Variants in MDGA1 observed in about 807,000 individuals in gnomAD.
MDGA1 encodes MAM domain-containing glycosylphosphatidylinositol anchor protein 1.
Under a neutral mutation model 101.5 loss-of-function variants are expected in MDGA1, and 54 were observed. The observed-to-expected ratio is 0.53, with a 90% confidence interval of 0.43 to 0.67. The LOEUF is 0.67. MDGA1 is among the 30% of genes least tolerant of loss of function. The probability of loss-of-function intolerance (pLI) is 0.00; values close to 1 mark genes in which losing one functional copy is unlikely to be tolerated. For missense variants in MDGA1, 1,083 were observed against 1,323.8 expected (o/e 0.82, Z 2.82); for synonymous variants, 533 against 558.3 (o/e 0.95, Z 0.64).
In MDGA1 at chr6:37,654,817, C is replaced by T. The variant is rs778497435; in HGVS notation, c.695G>A (p.Arg232Gln). ...GCCTGTACCCGTGGTGTTGGTGAGCCGGAAGGTGATGGCCTTGTCTGGGAT... is the reference window on the plus strand; with the variant it reads ...GCCTGTACCCGTGGTGTTGGTGAGCTGGAAGGTGATGGCCTTGTCTGGGAT... Reference protein sequence around the residue: ...CGIPDKAITFRLTNTTAPPAL... With the variant: ...CGIPDKAITFQLTNTTAPPAL... Residue 232 changes from arginine to glutamine, a missense_variant, in exon 5 of 17, where the codon CGG becomes CAG. By Grantham distance (43) the Arg-to-Gln change is conservative. Transcript: ENST00000434837. 6.2e-6 allele frequency: 10 copies of T among 1,613,490 alleles called. No individual in the cohort carries two copies. In the Admixed American group the frequency reaches 6.7e-5, roughly 11 times the overall value.
intron 9 of MDGA1, 48 bp downstream of exon 9, chr6:37,648,934 G>A (rs1761284428): frequency 6.5e-7 from 1 of 1,532,662 alleles, no homozygotes; most frequent in Non-Finnish European, 8.8e-7. Context: ...GGCAGAGCCT[G>A]GCCCCTGGTG....
chr6:37,657,609 A>T (rs1293846143), intron 3 of MDGA1, among the ~76,000 whole-genome samples: 1 of 152,240 alleles, frequency 6.6e-6, no homozygotes, highest in Admixed American at 6.5e-5. Flanking sequence ...GCTAATAGGT[A>T]GGTTCATTAT....
In MDGA1 at chr6:37,697,245, G is replaced by C. The variant is rs1762441900; in HGVS notation, c.-434C>G. The C allele has an allele frequency of 6.0e-6, 1 of 166,024 alleles. No homozygotes were observed. The highest frequency in any genetic ancestry group is 6.4e-5 in the Admixed American group (1 of 15,730). 10.3% of individuals were successfully genotyped at this position (166,024 alleles called of 1,614,324 possible). A position where few individuals can be genotyped will look rare whatever the true frequency, so the allele number is the denominator to read the frequency against. On this transcript the variant is annotated 5_prime_UTR_variant, in exon 1 of 17. Coordinates refer to ENST00000434837, the MANE Select transcript of MDGA1 (RefSeq NM_153487.4). ...CCCGCACTGGGGCCGCCCCTCAGCG[G>C]AGCGGAGTCGGGGAGGCCGGGGCTC...
At chr6:37,667,045 A>G (rs901884308) in intron 1 of MDGA1, among the ~76,000 whole-genome samples, 4 of 145,860 alleles carry the variant, frequency 2.7e-5, no homozygotes, top group African/African-American at 4.9e-5. Flanking sequence ...TAGAGTCGTA[A>G]TGTGTTTTAC....
intron 2 of MDGA1, among the ~76,000 whole-genome samples, chr6:37,659,732 CCA>C (rs1175982850): frequency 1.3e-5 from 2 of 152,154 alleles, no homozygotes; most frequent in Admixed American, 6.5e-5. Flanking sequence ...CCACCCAGGA[CCA>C]CAGTGTTGCT....
At chr6:37,688,349 G>A (rs1762240439) in intron 1 of MDGA1, among the ~76,000 whole-genome samples, 1 of 152,146 alleles carries the variant, frequency 6.6e-6, no homozygotes, top group African/African-American at 2.4e-5. Context: ...CATGCGCCAG[G>A]GCTGAGAACC....
At chr6:37,668,105 G>C (rs72847482) in intron 1 of MDGA1, among the ~76,000 whole-genome samples, 1 of 151,952 alleles carries the variant, frequency 6.6e-6, no homozygotes, top group African/African-American at 2.4e-5. Context: ...GCAAAAATTA[G>C]CCAGGCATGG....
At chr6:37,647,770 G>T (rs567108343) in intron 9 of MDGA1, among the ~76,000 whole-genome samples, 3 of 152,090 alleles carry the variant, frequency 2.0e-5, no homozygotes, top group Non-Finnish European at 4.4e-5. Context: ...TGGGAGAACA[G>T]GGGAGAAGGG....
chr6:37,642,570 T>C (rs1764114789), intron 14 of MDGA1, among the ~76,000 whole-genome samples: 1 of 152,164 alleles, frequency 6.6e-6, no homozygotes, highest in East Asian at 1.9e-4. Context: ...TGGGAGGGCG[T>C]CTGCATTATG....
In MDGA1 at chr6:37,635,892, C is replaced by T. The variant is rs116647139; in HGVS notation, c.*1476G>A. Reference sequence around the variant, plus strand: ...CATCACTCAGGAAGGTGGACACACACGCTGACGTACACGGACATTCATAGA... The same window carrying T: ...CATCACTCAGGAAGGTGGACACACATGCTGACGTACACGGACATTCATAGA... On this transcript the variant is annotated 3_prime_UTR_variant, in exon 17 of 17. Transcript: ENST00000434837. 1.7e-3 allele frequency: 664 copies of T among 397,810 alleles called. 2 individuals carry two copies. The highest frequency in any genetic ancestry group is 0.012 in the African/African-American group (597 of 48,748). 24.6% of individuals were successfully genotyped at this position (397,810 alleles called of 1,614,324 possible). A position where few individuals can be genotyped will look rare whatever the true frequency, so the allele number is the denominator to read the frequency against.
Position 37,634,070 on chromosome 6 carries a change from G to A in MDGA1, c.*3298C>T, listed in dbSNP as rs988155494. On this transcript the variant is annotated 3_prime_UTR_variant, in exon 17 of 17. Coordinates refer to ENST00000434837, the MANE Select transcript of MDGA1 (RefSeq NM_153487.4). The surrounding 1 kb of genome is among the most constrained non-coding windows in gnomAD (Gnocchi z 4.7). ...AGGGGTGGAAGGAGCATTCCAGGAG[G>A]AGGGGGCTTGGTCTTCAGGCTTCAC... The A allele has an allele frequency of 6.5e-6, 1 of 153,002 alleles. No individual in the cohort carries two copies. The highest frequency in any genetic ancestry group is 1.5e-5 in the Non-Finnish European group (1 of 68,376). The allele number at this position is 153,002 out of a possible 1,614,324, so 9.5% of individuals were successfully genotyped here.
At chr6:37,694,031 G>A (rs377593629) in intron 1 of MDGA1, among the ~76,000 whole-genome samples, 9 of 152,266 alleles carry the variant, frequency 5.9e-5, no homozygotes, top group Middle Eastern at 3.4e-3. Context: ...GCCGAATGCC[G>A]TCAGGTTCGC....
At chr6:37,677,655 G>A (rs887596006) in intron 1 of MDGA1, among the ~76,000 whole-genome samples, 5 of 149,590 alleles carry the variant, frequency 3.3e-5, no homozygotes, top group African/African-American at 1.2e-4. Context: ...AATGGTTAAT[G>A]TTTGATGGTC....
At chr6:37,676,541 C>T (rs1366204614) in intron 1 of MDGA1, among the ~76,000 whole-genome samples, 1 of 152,178 alleles carries the variant, frequency 6.6e-6, no homozygotes, top group African/African-American at 2.4e-5. Context: ...GACCCTGAGC[C>T]CTCACATAAG....
chr6:37,639,419 G>C (rs1764011348), intron 14 of MDGA1: 1 of 152,346 alleles, frequency 6.6e-6, no homozygotes. Context: ...CTGCGGAGGG[G>C]ACCCCTGTCT....
rs572020134 is a variant in MDGA1, at chr6:37,649,050, C to G, written c.1826G>C (p.Ser609Thr). Residue 609 changes from serine to threonine, a missense_variant, in exon 9 of 17, where the codon AGC (serine) becomes ACC (threonine). By Grantham distance (58) the Ser-to-Thr change is moderately conservative. Around this residue, in one of 3 missense-constraint regions of MDGA1, gnomAD observed 657 missense variants for 771.4 expected, o/e 0.85. Coordinates refer to ENST00000434837, the MANE Select transcript of MDGA1 (RefSeq NM_153487.4). ...ELRLDAVTRD[S>T]SGSYECSVSN... ...GACGCTGCACTCGTAGCTGCCGCTGCTGTCGCGAGTTACGGCGTCGAGGCG... is the reference window on the plus strand; with the variant it reads ...GACGCTGCACTCGTAGCTGCCGCTGGTGTCGCGAGTTACGGCGTCGAGGCG... 139 of 1,544,794 alleles carry G rather than the reference C, an allele frequency of 9.0e-5. 2 individuals are homozygous for G. The East Asian group carries it at 3.4e-3, about 38-fold the overall frequency.
chr6:37,650,549 T>G (rs756458173), intron 7 of MDGA1, 144 bp from the exon 8 acceptor site: 2 of 919,958 alleles, frequency 2.2e-6, no homozygotes, highest in Non-Finnish European at 3.1e-6. Context: ...CCCCAGTATT[T>G]CCAAAGCAGA....
chr6:37,658,219 C>G (rs373910873), intron 3 of MDGA1, 26 bp downstream of exon 3: 3 of 1,543,004 alleles, frequency 1.9e-6, no homozygotes, highest in African/African-American at 1.4e-5. Flanking sequence ...TGTCAGGGCC[C>G]GGGGAGAGAG....
In MDGA1 at chr6:37,688,823, C is replaced by T. The variant is rs540745172; in HGVS notation, c.67+7922G>A. ...ATGGGGAAACTGAGGCTCAGAGAGG[C>T]GAGGCCATTGGGCAAGGACCCTCAG... On this transcript the variant is annotated intron_variant, in intron 1 of 16. Coordinates refer to ENST00000434837, the MANE Select transcript of MDGA1 (RefSeq NM_153487.4). 5.3e-5 allele frequency among the ~76,000 whole-genome samples: 8 copies of T among 152,328 alleles called. 1 individual carries two copies. Among genetic ancestry groups the T allele is most frequent in the Admixed American group, 4.6e-4 (7 of 15,304 alleles).
Sources: gnomAD v4.1 joint callset for allele counts (sites outside exome capture counted in the v4.1 genomes callset) on GRCh38, gnomAD v4.1.1 for gene constraint, gnomAD v4.1.1 regional missense constraint, Gnocchi (gnomAD v3.1) non-coding constraint, MANE v1.5 for transcripts, NCBI Gene and HGNC (gene_info 2026-07-23, HGNC 2026-07-21) for gene names.